Variants in PNN observed in about 807,000 individuals in gnomAD.
PNN encodes the protein pinin, desmosome associated protein.
In PNN, 38 loss-of-function variants were observed where a neutral mutation model predicts 76.6. The observed-to-expected ratio is 0.50, with a 90% confidence interval of 0.38 to 0.65. PNN has a LOEUF of 0.65. Ranked by LOEUF, PNN falls within the 30% of genes least tolerant of loss-of-function variation. The probability of loss-of-function intolerance (pLI) is 0.00; values close to 1 mark genes in which losing one functional copy is unlikely to be tolerated. For missense variants in PNN, 873 were observed against 874.1 expected, an observed-to-expected ratio of 1.00 and a Z score of 0.02; for synonymous variants, 366 against 283.7, an observed-to-expected ratio of 1.29 and a Z score of -2.91.
Position 39,179,204 on chromosome 14 carries a change from A to G in PNN, c.612A>G (p.Thr204=). 6.2e-7 allele frequency: 1 copy of G among 1,613,014 alleles called. No individual in the cohort carries two copies. ...TTGAAGAGAGGCGTGCTAAACAGAC[A>G]GAACTGCGGCTTTTGGAACAGAAAG... ...ELFEERRAKQ[T]ELRLLEQKVE... is the part of the protein sequence containing the mutation. Residue 204 remains threonine, a synonymous_variant, in exon 7 of 9, where the codon ACA becomes ACG. Coordinates refer to ENST00000216832, the MANE Select transcript of PNN (RefSeq NM_002687.4).
rs192899760 is a variant in PNN, at chr14:39,177,442, A to G, written c.285A>G (p.Glu95=). ...GCGGGGAGCGTCGGACCAGAAGAGA[A>G]TCACGCCAGGAAAGCGACCCGGAGG... ...RLGGERRTRR[E]SRQESDPEDD... is the part of the protein sequence containing the mutation. The change falls in exon 4 of 9, where the codon GAA becomes GAG. Residue 95 remains glutamate, a synonymous_variant. Coordinates refer to ENST00000216832, the MANE Select transcript of PNN (RefSeq NM_002687.4). 2.7e-5 allele frequency: 43 copies of G among 1,614,126 alleles called. No homozygotes were observed. In the East Asian group the frequency reaches 9.1e-4, roughly 34 times the overall value.
chr14:39,177,759 A>G (rs1415976032), intron 5 of PNN, 72 bp downstream of exon 5: 2 of 1,436,340 alleles, frequency 1.4e-6, no homozygotes, highest in Non-Finnish European at 2.0e-6. Context: ...TTGTTCAAGC[A>G]TCCTGTAGTA....
At chr14:39,180,099 A>G (rs2053258712) in intron 8 of PNN, among the ~76,000 whole-genome samples, 1 of 152,134 alleles carries the variant, frequency 6.6e-6, no homozygotes, top group African/African-American at 2.4e-5. Context: ...GTGAAAACCA[A>G]CTCAGTTTCT....
At chr14:39,178,942 T>C (rs943577582) in intron 6 of PNN, 149 bp from the exon 7 acceptor site, 1 of 693,438 alleles carries the variant, frequency 1.4e-6, no homozygotes, top group African/African-American at 1.8e-5. Flanking sequence ...TGGTGTTGGC[T>C]TCTGACTTCA....
chr14:39,179,306 C>A lies in PNN; in HGVS notation c.655-18C>A. The A allele has an allele frequency of 1.9e-6, 3 of 1,609,464 alleles. No individual in the cohort carries two copies. The highest frequency in any genetic ancestry group is 2.5e-6 in the Non-Finnish European group (3 of 1,178,680). On this transcript the variant is annotated intron_variant, in intron 7 of 8. Coordinates refer to ENST00000216832, the MANE Select transcript of PNN (RefSeq NM_002687.4). ...CCTTTGTGTTTACAAAAGCACTGAC[C>A]CTTTACCTTTTCTTTAGCAAGAAGA...
intron 6 of PNN, 31 bp downstream of exon 6, chr14:39,177,947 T>A (rs1030365219): frequency 2.3e-6 from 3 of 1,311,876 alleles, no homozygotes; most frequent in Non-Finnish European, 3.3e-6. Flanking sequence ...TTGCATCATA[T>A]ATTTAAGTTA....
Position 39,181,701 on chromosome 14 carries a change from CA to C in PNN, c.1995del (p.Lys665AsnfsTer85). On this transcript the variant is annotated frameshift_variant, in exon 9 of 9. Coordinates refer to ENST00000216832, the MANE Select transcript of PNN (RefSeq NM_002687.4). LOFTEE classifies it high-confidence loss of function. The stretch of plus-strand genomic sequence containing the variant: ...ATACTTCAGGACTAGAAAGAAGTCA[CA>C]AATCTTCAAAAGGTGGTAGTAGTAG... ...RDTSGLERSH[K>X]SSKGGSSRDT... 6.2e-7 allele frequency: 1 copy of C among 1,614,000 alleles called. No individual in the cohort carries two copies. The highest frequency in any genetic ancestry group is 8.5e-7 in the Non-Finnish European group (1 of 1,179,970).
In PNN at chr14:39,180,541, A is replaced by G; in HGVS notation, c.832A>G (p.Ile278Val). 6.2e-7 allele frequency: 1 copy of G among 1,602,318 alleles called. No homozygotes were observed. Among genetic ancestry groups the G allele is most frequent in the East Asian group, 2.2e-5 (1 of 44,808 alleles). ...EGRRIEFAEQ[I>V]NKMEARPRRQ... ...TAGACGCATCGAATTTGCAGAACAA[A>G]TAAATAAAATGGAGGCTAGGCCTAG... Residue 278 changes from isoleucine (I) to valine (V), a missense_variant, in exon 9 of 9, where the codon ATA becomes GTA. Coordinates refer to ENST00000216832, the MANE Select transcript of PNN (RefSeq NM_002687.4).
chr14:39,182,156 TC>T lies in PNN; in HGVS notation c.*294del, dbSNP rs1356645391. The T allele has an allele frequency of 4.4e-6, 1 of 225,618 alleles. No homozygotes were observed. Among genetic ancestry groups the T allele is most frequent in the East Asian group, 1.0e-4 (1 of 9,862 alleles). The allele number at this position is 225,618 out of a possible 1,614,324, so 14.0% of individuals were successfully genotyped here. The stretch of plus-strand genomic sequence containing the variant: ...AATATCCTATACTCTTCAGTAAGAA[TC>T]TGTATATTTTAATAGGCAAATCTTT... On this transcript the variant is annotated 3_prime_UTR_variant, in exon 9 of 9. Transcript: ENST00000216832.
chr14:39,179,059 G>C, intron 6 of PNN, 32 bp from the exon 7 acceptor site: 1 of 1,588,376 alleles, frequency 6.3e-7, no homozygotes, highest in Non-Finnish European at 8.5e-7. Flanking sequence ...ATTTCAACAC[G>C]TAAGTATTAA....
chr14:39,178,906 T>A, intron 6 of PNN, 185 bp from the exon 7 acceptor site: 1 of 547,078 alleles, frequency 1.8e-6, no homozygotes, highest in Non-Finnish European at 3.2e-6. Context: ...GCCCTGTTAA[T>A]TTTTTTGTGT....
chr14:39,182,724 A>G lies in PNN; in HGVS notation c.*861A>G, dbSNP rs1953235248. 1 of 152,678 alleles carries G rather than the reference A, an allele frequency of 6.5e-6. No individual in the cohort carries two copies. Among genetic ancestry groups the G allele is most frequent in the South Asian group, 2.1e-4 (1 of 4,838 alleles). The allele number at this position is 152,678 out of a possible 1,614,324, so 9.5% of individuals were successfully genotyped here. ...CTTAACTTTGTGTTGGCTCTAACTT[A>G]AACATGCTGATATGTGTTTTCAAGA... is the stretch of plus-strand genomic sequence containing the variant. On this transcript the variant is annotated 3_prime_UTR_variant, in exon 9 of 9. Transcript: ENST00000216832.
At chr14:39,177,227 T>G (rs1239107924) in intron 3 of PNN, among the ~76,000 whole-genome samples, 185 bp from the exon 4 acceptor site, 1 of 152,004 alleles carries the variant, frequency 6.6e-6, no homozygotes, top group East Asian at 1.9e-4. Context: ...CTACAAAAAG[T>G]ACAAAAAAGT....
chr14:39,179,158 A>G lies in PNN; in HGVS notation c.566A>G (p.Glu189Gly). ...VQAEEERKQV[E>G]NERRELFEER... ...GCAGAAGAAGAGAGAAAGCAGGTTGAAAATGAAAGGAGAGAACTGTTTGAA... is the reference window on the plus strand; with the variant it reads ...GCAGAAGAAGAGAGAAAGCAGGTTGGAAATGAAAGGAGAGAACTGTTTGAA... The change falls in exon 7 of 9, where the codon GAA (glutamate) becomes GGA (glycine). Residue 189 changes from glutamate (E) to glycine (G), a missense_variant. Physicochemically the swap from Glu to Gly is moderately conservative, Grantham distance 98. Transcript: ENST00000216832. 6.2e-7 allele frequency: 1 copy of G among 1,614,072 alleles called. No individual in the cohort carries two copies. Among genetic ancestry groups the G allele is most frequent in the Non-Finnish European group, 8.5e-7 (1 of 1,179,992 alleles).
rs968294194 is a variant in PNN, at chr14:39,175,262, G to T, written c.-18G>T. 3.9e-6 allele frequency: 6 copies of T among 1,523,902 alleles called. No homozygotes were observed. The East Asian group carries it at 6.9e-5, about 17-fold the overall frequency. The allele number at this position is 1,523,902 out of a possible 1,614,324, so 94.4% of individuals were successfully genotyped here. The stretch of plus-strand genomic sequence containing the variant: ...GGCTCGGCCTGTAAAGCAGTCTCAA[G>T]CCTGCCGCAGGGAGAAGATGGCGGT... On this transcript the variant is annotated 5_prime_UTR_variant, in exon 1 of 9. Coordinates refer to ENST00000216832, the MANE Select transcript of PNN (RefSeq NM_002687.4).
At chr14:39,177,973 A>G (rs949128329) in intron 6 of PNN, 57 bp downstream of exon 6, 6 of 1,092,308 alleles carry the variant, frequency 5.5e-6, no homozygotes, top group Non-Finnish European at 8.3e-6. Flanking sequence ...GTAGTAGATT[A>G]ATGTTTTTTT....
Position 39,180,909 on chromosome 14 carries a change from T to C in PNN, c.1200T>C (p.Ile400=), listed in dbSNP as rs150402477. Residue 400 remains isoleucine, a synonymous_variant, in exon 9 of 9, where the codon ATT becomes ATC. Coordinates refer to ENST00000216832, the MANE Select transcript of PNN (RefSeq NM_002687.4). ...TGGTTGAGAATGTCAAACATGTAAT[T>C]GCTGACCAGGAGGTAATGGAAACTA... ...LEMVENVKHV[I]ADQEVMETNR... is the part of the protein sequence containing the mutation. 2 of 1,614,034 alleles carry C rather than the reference T, an allele frequency of 1.2e-6. No homozygotes were observed. Among genetic ancestry groups the C allele is most frequent in the African/African-American group, 2.7e-5 (2 of 74,924 alleles).
At chr14:39,175,991 T>G in intron 1 of PNN, 87 bp from the exon 2 acceptor site, 1 of 717,698 alleles carries the variant, frequency 1.4e-6, no homozygotes, top group South Asian at 1.6e-5. Flanking sequence ...TGATTTTTTC[T>G]CCTTATGATC....
chr14:39,181,996 A>C lies in PNN; in HGVS notation c.*133A>C. ...TAAAAAATCTTTTTGGAAAATACAGACTGTTTGTTTACCAGACATTCTTGT... is the reference window on the plus strand; with the variant it reads ...TAAAAAATCTTTTTGGAAAATACAGCCTGTTTGTTTACCAGACATTCTTGT... On this transcript the variant is annotated 3_prime_UTR_variant, in exon 9 of 9. Transcript: ENST00000216832. The C allele has an allele frequency of 3.6e-6, 3 of 838,028 alleles. No individual in the cohort carries two copies. Among genetic ancestry groups the C allele is most frequent in the Non-Finnish European group, 5.3e-6 (3 of 567,282 alleles). The allele number at this position is 838,028 out of a possible 1,614,324, so 51.9% of individuals were successfully genotyped here. A position where few individuals can be genotyped will look rare whatever the true frequency, so the allele number is the denominator to read the frequency against.
Sources: allele counts gnomAD v4.1 joint callset (sites outside exome capture counted in the v4.1 genomes callset), GRCh38; gene constraint gnomAD v4.1.1; transcripts MANE v1.5; gene names NCBI Gene and HGNC (gene_info 2026-07-23, HGNC 2026-07-21).